Variants in AQR observed in about 807,000 individuals in gnomAD.
AQR encodes the protein aquarius intron-binding spliceosomal factor.
AQR carries 61 observed loss-of-function variants against 180.5 expected under a neutral mutation model. The ratio of observed to expected loss-of-function variants is 0.34; its 90% CI spans 0.28 to 0.42. The LOEUF (loss-of-function observed/expected upper bound fraction) is 0.42, where lower values mean the gene tolerates loss of function less well. Ranked by LOEUF, AQR falls within the 10% of genes least tolerant of loss-of-function variation. The pLI is 1.00. For synonymous variants in AQR, 551 were observed against 588.8 expected, an observed-to-expected ratio of 0.94 and a Z score of 0.93; for missense variants, 1,281 against 1,798.3, an observed-to-expected ratio of 0.71 and a Z score of 5.20.
intron 1 of AQR, 54 bp from the exon 2 acceptor site, chr15:34,964,344 T>G: frequency 2.9e-6 from 4 of 1,388,050 alleles, no homozygotes; most frequent in Admixed American, 1.8e-5. Context: ...ATTGTAGAGC[T>G]GGAAGACAGA....
intron 31 of AQR, chr15:34,868,774 T>G (rs1361740176): frequency 1.3e-5 from 2 of 152,182 alleles, no homozygotes; most frequent in East Asian, 3.9e-4. Context: ...TATTCTTTTG[T>G]GTCCTGTTTC....
intron 34 of AQR, among the ~76,000 whole-genome samples, chr15:34,858,756 G>T (rs990668950): frequency 3.9e-5 from 6 of 152,096 alleles, no homozygotes; most frequent in African/African-American, 1.4e-4. Context: ...CAGAATAATG[G>T]AACAGAATAG....
intron 24 of AQR, among the ~76,000 whole-genome samples, chr15:34,887,386 C>G (rs965089922): frequency 6.6e-6 from 1 of 152,168 alleles, no homozygotes; most frequent in Non-Finnish European, 1.5e-5. Flanking sequence ...CTGTTTTACA[C>G]TACATAAAAG....
At chr15:34,926,075 G>C (rs974167625) in intron 13 of AQR, among the ~76,000 whole-genome samples, 2 of 152,110 alleles carry the variant, frequency 1.3e-5, no homozygotes. Flanking sequence ...GCTGAGGCAG[G>C]AGAATGGCGT....
At chr15:34,886,505 C>A in intron 25 of AQR, 21 bp downstream of exon 25, 1 of 1,585,266 alleles carries the variant, frequency 6.3e-7, no homozygotes. Flanking sequence ...AAGTATGATT[C>A]AAAAACCCTT....
chr15:34,890,171 T>C (rs764068681), intron 24 of AQR, 44 bp downstream of exon 24: 1 of 1,499,724 alleles, frequency 6.7e-7, no homozygotes. Flanking sequence ...GAAAAGAAAA[T>C]AAAAAATCCT....
intron 20 of AQR, among the ~76,000 whole-genome samples, chr15:34,899,084 G>A (rs1401504968): frequency 6.6e-6 from 1 of 151,830 alleles, no homozygotes; most frequent in Non-Finnish European, 1.5e-5. Context: ...GCAGGAGACT[G>A]ACGTGAACCC....
At chr15:34,945,195 C>T (rs1894091248) in intron 5 of AQR, among the ~76,000 whole-genome samples, 1 of 152,186 alleles carries the variant, frequency 6.6e-6, no homozygotes, top group Non-Finnish European at 1.5e-5. Context: ...CTCTTCTGAG[C>T]TCTCAAACCT....
At chr15:34,965,418 C>A (rs2050305046) in intron 1 of AQR, among the ~76,000 whole-genome samples, 1 of 152,178 alleles carries the variant, frequency 6.6e-6, no homozygotes. Flanking sequence ...TGCCTGTAAT[C>A]TCAGAACTTT....
In AQR at chr15:34,856,737, G is replaced by A. The variant is rs1892590164; in HGVS notation, c.*55C>T. On this transcript the variant is annotated 3_prime_UTR_variant, in exon 35 of 35. Transcript: ENST00000156471. Reference sequence around the variant, plus strand: ...AAGCAAATATAAAATACAAAAAACAGCTTTACTCAGACTTTTTGACTGCCA... The same window carrying A: ...AAGCAAATATAAAATACAAAAAACAACTTTACTCAGACTTTTTGACTGCCA... 1.4e-5 allele frequency: 19 copies of A among 1,391,196 alleles called. No individual in the cohort carries two copies. In the South Asian group the frequency reaches 3.3e-4, roughly 24 times the overall value. 86.2% of individuals were successfully genotyped at this position (1,391,196 alleles called of 1,614,324 possible).
At chr15:34,944,225 C>A in intron 6 of AQR, 63 bp downstream of exon 6, 3 of 1,460,254 alleles carry the variant, frequency 2.1e-6, no homozygotes, top group Non-Finnish European at 2.8e-6. Context: ...GTAATTTCAT[C>A]TAAACTCAAC....
At chr15:34,956,674 CAGAAT>C (rs1894322520) in intron 3 of AQR, among the ~76,000 whole-genome samples, 1 of 45,898 alleles carries the variant, frequency 2.2e-5, no homozygotes, top group Admixed American at 2.8e-4. Flanking sequence ...AAGAACAGAA[CAGAAT>C]ATTCAGTAAG....
intron 27 of AQR, among the ~76,000 whole-genome samples, chr15:34,877,535 C>T (rs916915532): frequency 3.3e-5 from 5 of 152,138 alleles, no homozygotes; most frequent in Admixed American, 6.5e-5. Flanking sequence ...CAAACTCTCA[C>T]ATTTTCTAAG....
At chr15:34,895,259 T>C (rs1455227552) in intron 22 of AQR, among the ~76,000 whole-genome samples, 2 of 102,944 alleles carry the variant, frequency 1.9e-5, no homozygotes, top group Non-Finnish European at 3.9e-5. Context: ...ACTATTCAAA[T>C]AACACAACGG....
At chr15:34,858,297 A>G (rs559584590) in intron 34 of AQR, among the ~76,000 whole-genome samples, 2 of 148,368 alleles carry the variant, frequency 1.3e-5, no homozygotes, top group South Asian at 4.4e-4. Context: ...AAGATTTTTA[A>G]AAAGTACCGT....
chr15:34,944,473 C>A, intron 5 of AQR, 45 bp from the exon 6 acceptor site: 1 of 1,530,476 alleles, frequency 6.5e-7, no homozygotes, highest in South Asian at 1.3e-5. Flanking sequence ...GGCTTGCTCA[C>A]TTAAGCTTTA....
rs111962793 is a variant in AQR, at chr15:34,955,410, C to G, written c.174-2490G>C. On this transcript the variant is annotated intron_variant, in intron 3 of 34. Coordinates refer to ENST00000156471, the MANE Select transcript of AQR (RefSeq NM_014691.3). ...GAGTTCTTTTCTATTACATTCCCCC[C>G]TATCCCAACAACCTCCTCTTTTCAG... is the stretch of plus-strand genomic sequence containing the variant. Among the ~76,000 whole-genome samples the G allele has an allele frequency of 7.3e-3, 1,110 of 152,238 alleles. 12 individuals are homozygous for G. Among genetic ancestry groups the G allele is most frequent in the African/African-American group, 0.025 (1,042 of 41,530 alleles).
intron 33 of AQR, among the ~76,000 whole-genome samples, chr15:34,861,305 C>T (rs1892668243): frequency 6.6e-6 from 1 of 152,116 alleles, no homozygotes; most frequent in South Asian, 2.1e-4. Flanking sequence ...ACAAATACGG[C>T]CATGCTATTA....
intron 13 of AQR, among the ~76,000 whole-genome samples, chr15:34,923,490 C>A (rs1016298179): frequency 6.6e-6 from 1 of 151,944 alleles, no homozygotes; most frequent in Non-Finnish European, 1.5e-5. Context: ...ATGGATTGTG[C>A]TTTGGTGTCT....
Sources: gnomAD v4.1 joint callset for allele counts (sites outside exome capture counted in the v4.1 genomes callset) on GRCh38, gnomAD v4.1.1 for gene constraint, MANE v1.5 for transcripts, NCBI Gene and HGNC (gene_info 2026-07-23, HGNC 2026-07-21) for gene names.